Variants in COLGALT2 observed in about 807,000 individuals in gnomAD.
The protein encoded by COLGALT2 is collagen beta(1-O)galactosyltransferase 2.
COLGALT2 carries 49 observed loss-of-function variants against 73.4 expected under a neutral mutation model. The observed-to-expected ratio is 0.67, with a 90% confidence interval of 0.53 to 0.85. The LOEUF (loss-of-function observed/expected upper bound fraction) is 0.85, where lower values mean the gene tolerates loss of function less well. Among genes scored for constraint, COLGALT2 ranks in the 40% least tolerant of loss-of-function variants. The probability of loss-of-function intolerance (pLI) is 0.00; values close to 1 mark genes in which losing one functional copy is unlikely to be tolerated. For synonymous variants in COLGALT2, 295 were observed against 307.6 expected (o/e 0.96, Z 0.43); for missense variants, 722 against 790.2 (o/e 0.91, Z 1.03).
chr1:183,982,050 A>T (rs969534997), intron 1 of COLGALT2, among the ~76,000 whole-genome samples: 1 of 152,206 alleles, frequency 6.6e-6, no homozygotes, highest in Non-Finnish European at 1.5e-5. Flanking sequence ...GATGACACCA[A>T]TGGCCAACTT....
intron 5 of COLGALT2, among the ~76,000 whole-genome samples, chr1:183,968,259 G>A (rs1156936164): frequency 6.6e-6 from 1 of 152,226 alleles, no homozygotes; most frequent in African/African-American, 2.4e-5. Context: ...TGTCAGGAAA[G>A]TCTGAATTAT....
chr1:183,954,820 T>TC lies in COLGALT2; in HGVS notation c.970dup (p.Glu324GlyfsTer11). 1 of 1,613,322 alleles carries TC rather than the reference T, an allele frequency of 6.2e-7. No homozygotes were observed. Among genetic ancestry groups the TC allele is most frequent in the Non-Finnish European group, 8.5e-7 (1 of 1,179,398 alleles). ...GACAACTGAGACATACTGGGAGGGT[T>TC]CCATTGGAGGACGGTCAACTGGAAG... On this transcript the variant is annotated frameshift_variant, in exon 7 of 12. Coordinates refer to ENST00000361927, the MANE Select transcript of COLGALT2 (RefSeq NM_015101.4). LOFTEE classifies it high-confidence loss of function.
At chr1:183,987,948 A>C (rs982671758) in intron 1 of COLGALT2, among the ~76,000 whole-genome samples, 2 of 152,228 alleles carry the variant, frequency 1.3e-5, no homozygotes, top group Non-Finnish European at 2.9e-5. Context: ...CCATGAAAAT[A>C]TTCCACCCTG....
chr1:183,930,156 C>G, exon 12 of COLGALT2: 1 of 455,160 alleles, frequency 2.2e-6, no homozygotes. Context: ...CAGGAGAAAC[C>G]TGGAGGAGTT....
intron 1 of COLGALT2, among the ~76,000 whole-genome samples, chr1:183,999,454 C>A (rs190991546): frequency 6.6e-6 from 1 of 151,924 alleles, no homozygotes; most frequent in Admixed American, 6.6e-5. Flanking sequence ...TTTAGTATTA[C>A]GTTATGTTAA....
At chr1:183,983,802 C>T (rs3010052) in intron 1 of COLGALT2, among the ~76,000 whole-genome samples, 120,918 of 152,160 alleles carry the variant, frequency 0.79, 51,035 homozygotes, top group Non-Finnish European at 0.93. Context: ...GAATCTGTTA[C>T]CCTCCTCCCA....
At chr1:183,999,449 T>C (rs1219894244) in intron 1 of COLGALT2, among the ~76,000 whole-genome samples, 1 of 152,152 alleles carries the variant, frequency 6.6e-6, no homozygotes, top group Admixed American at 6.5e-5. Context: ...ATGATTTTAG[T>C]ATTACGTTAT....
intron 6 of COLGALT2, among the ~76,000 whole-genome samples, chr1:183,959,919 C>A (rs1292733441): frequency 1.3e-5 from 2 of 152,138 alleles, no homozygotes; most frequent in African/African-American, 4.8e-5. Context: ...GTCTAACAGT[C>A]TTTACATGTG....
At chr1:183,970,877 A>T (rs892117320) in intron 4 of COLGALT2, among the ~76,000 whole-genome samples, 5 of 152,288 alleles carry the variant, frequency 3.3e-5, no homozygotes, top group Non-Finnish European at 7.4e-5. Context: ...GGTTTTCCTA[A>T]TACTTCAGCT....
At chr1:183,966,742 C>A (rs1040777596) in intron 5 of COLGALT2, among the ~76,000 whole-genome samples, 2 of 152,192 alleles carry the variant, frequency 1.3e-5, no homozygotes, top group African/African-American at 4.8e-5. Context: ...AGATCACTGG[C>A]CACAATGGGA....
intron 1 of COLGALT2, among the ~76,000 whole-genome samples, chr1:184,008,123 G>T (rs369851179): frequency 2.5e-4 from 38 of 152,292 alleles, no homozygotes; most frequent in African/African-American, 8.4e-4. Flanking sequence ...GCAAACAGAC[G>T]TCAACCTTCA....
At position 183,985,541 on chromosome 1, in the gene COLGALT2, G is replaced by C. The variant is rs573330038; in HGVS notation, c.264-7021C>G. Among the ~76,000 whole-genome samples the C allele has an allele frequency of 7.6e-4, 115 of 152,272 alleles. 1 individual carries two copies. The highest frequency in any genetic ancestry group is 2.6e-3 in the African/African-American group (109 of 41,534). ...ACCCGCCTCAACCTCCCAAAGTGCT[G>C]GGATTACAGGCATGAGCCACCGCAC... On this transcript the variant is annotated intron_variant, in intron 1 of 11. Transcript: ENST00000361927.
chr1:183,978,428 C>T lies in COLGALT2; in HGVS notation c.356G>A (p.Arg119Lys). The stretch of plus-strand genomic sequence containing the variant: ...TACTCACTCTGGTTCATCCATAGGC[C>T]TCCACTCCACATAGTGATAGAGTCT... Reference protein sequence around the residue: ...VQRLYHYVEWRPMDEPESYPD... With the variant: ...VQRLYHYVEWKPMDEPESYPD... Residue 119 changes from arginine to lysine, a missense_variant, in exon 2 of 12, where the codon AGG (arginine) becomes AAG (lysine). By Grantham distance (26) the Arg-to-Lys change is conservative. Transcript: ENST00000361927. 1 of 1,604,496 alleles carries T rather than the reference C, an allele frequency of 6.2e-7. No individual in the cohort carries two copies. The highest frequency in any genetic ancestry group is 1.1e-5 in the South Asian group (1 of 90,780).
At chr1:184,028,675 C>T (rs1174269665) in intron 1 of COLGALT2, among the ~76,000 whole-genome samples, 1 of 152,216 alleles carries the variant, frequency 6.6e-6, no homozygotes, top group African/African-American at 2.4e-5. Context: ...GAAAATGCTT[C>T]AGCTCAGCAG....
At chr1:183,969,622 T>A in intron 4 of COLGALT2, 149 bp from the exon 5 acceptor site, 1 of 563,130 alleles carries the variant, frequency 1.8e-6, no homozygotes. Context: ...TCATGGCCTA[T>A]GAATTTCCAA....
At chr1:183,968,146 A>G (rs10797924) in intron 5 of COLGALT2, among the ~76,000 whole-genome samples, 91,189 of 151,934 alleles carry the variant, frequency 0.6, 27,604 homozygotes, top group East Asian at 0.85. Context: ...CCTCAGTTAT[A>G]TGGCCACAGT....
intron 1 of COLGALT2, among the ~76,000 whole-genome samples, chr1:183,981,194 TA>T (rs1191411572): frequency 6.6e-6 from 1 of 152,140 alleles, no homozygotes; most frequent in African/African-American, 2.4e-5. Flanking sequence ...TCCCTGTATC[TA>T]AAATGAAAGT....
Position 183,969,376 on chromosome 1 carries a change from T to A in COLGALT2, c.725A>T (p.Asp242Val). ...CTTGTCCGAGGCCTCCTTCCTGAGG[T>A]CAATTAGGAAGGTGGAGTGGACCAT... Reference protein sequence around the residue: ...VPMVHSTFLIDLRKEASDKLT... With the variant: ...VPMVHSTFLIVLRKEASDKLT... The change falls in exon 5 of 12, where the codon GAC (aspartate) becomes GTC (valine). Residue 242 changes from aspartate to valine, a missense_variant. By Grantham distance (152) the Asp-to-Val change is radical. Coordinates refer to ENST00000361927, the MANE Select transcript of COLGALT2 (RefSeq NM_015101.4). 1 of 1,613,646 alleles carries A rather than the reference T, an allele frequency of 6.2e-7. No homozygotes were observed. Among genetic ancestry groups the A allele is most frequent in the Non-Finnish European group, 8.5e-7 (1 of 1,179,788 alleles).
intron 1 of COLGALT2, among the ~76,000 whole-genome samples, chr1:184,028,740 C>T (rs891687575): frequency 1.3e-5 from 2 of 152,174 alleles, no homozygotes; most frequent in Admixed American, 6.5e-5. Flanking sequence ...CCCAAGATCA[C>T]TATTCTAAGA....
Sources: gnomAD v4.1 joint callset for allele counts (sites outside exome capture counted in the v4.1 genomes callset) on GRCh38, gnomAD v4.1.1 for gene constraint, MANE v1.5 for transcripts, NCBI Gene and HGNC (gene_info 2026-07-23, HGNC 2026-07-21) for gene names.